Variants in IGF2BP2 observed in about 807,000 individuals in gnomAD.
The protein encoded by IGF2BP2 is insulin like growth factor 2 mRNA binding protein 2.
A neutral mutation model predicts 75.8 loss-of-function variants in IGF2BP2; 17 were observed. That is an observed-to-expected ratio of 0.22 (90% confidence interval 0.15 to 0.34). The LOEUF is 0.34. Ranked by LOEUF, IGF2BP2 falls within the 10% of genes least tolerant of loss-of-function variation. IGF2BP2 has a pLI of 1.00. For missense variants in IGF2BP2, 516 were observed against 772.4 expected (o/e 0.67, Z 3.93); for synonymous variants, 288 against 295.6 (o/e 0.97, Z 0.26).
At chr3:185,718,122 C>T (rs572829070) in intron 2 of IGF2BP2, 1 of 152,348 alleles carries the variant, frequency 6.6e-6, no homozygotes, top group Non-Finnish European at 1.5e-5. Context: ...TGCGCTACAT[C>T]CAGCCTAAAG....
chr3:185,782,501 T>C (rs1009245348), intron 2 of IGF2BP2, among the ~76,000 whole-genome samples: 7 of 152,150 alleles, frequency 4.6e-5, no homozygotes, highest in Non-Finnish European at 5.9e-5. Flanking sequence ...TAATTTACCA[T>C]GTTCAAGAAA....
chr3:185,726,878 T>C (rs1727405944), intron 2 of IGF2BP2, among the ~76,000 whole-genome samples: 1 of 151,366 alleles, frequency 6.6e-6, no homozygotes, highest in Non-Finnish European at 1.5e-5. Flanking sequence ...ACCAAGGGGG[T>C]TGTGGGAAAA....
chr3:185,722,093 T>C (rs578018747), intron 2 of IGF2BP2: 1 of 348,932 alleles, frequency 2.9e-6, no homozygotes, highest in East Asian at 8.6e-5. Context: ...CACATCTGAT[T>C]TTTTTTTTCT....
intron 2 of IGF2BP2, 70 bp from the exon 3 acceptor site, chr3:185,698,417 G>A: frequency 7.2e-7 from 1 of 1,387,412 alleles, no homozygotes; most frequent in Non-Finnish European, 1.0e-6. Context: ...ATAAAAACCG[G>A]CTTAAACCCG....
At chr3:185,759,868 G>T (rs761375834) in intron 2 of IGF2BP2, among the ~76,000 whole-genome samples, 1 of 152,176 alleles carries the variant, frequency 6.6e-6, no homozygotes, top group African/African-American at 2.4e-5. Flanking sequence ...TGAAGATTTT[G>T]AACTTACACA....
At chr3:185,723,489 T>C (rs1726869797) in intron 2 of IGF2BP2, among the ~76,000 whole-genome samples, 3 of 152,328 alleles carry the variant, frequency 2.0e-5, no homozygotes, top group South Asian at 4.1e-4. Flanking sequence ...CCACATCTTC[T>C]GAGTCTCCAG....
At chr3:185,815,017 C>G (rs915652094) in intron 2 of IGF2BP2, among the ~76,000 whole-genome samples, 1 of 151,654 alleles carries the variant, frequency 6.6e-6, no homozygotes, top group Non-Finnish European at 1.5e-5. Flanking sequence ...GTATCCTAAA[C>G]AAAAAAACCT....
At chr3:185,746,595 T>C (rs903711322) in intron 2 of IGF2BP2, among the ~76,000 whole-genome samples, 1 of 152,180 alleles carries the variant, frequency 6.6e-6, no homozygotes, top group South Asian at 2.1e-4. Context: ...CACTAACAGG[T>C]AGGAGACACC....
intron 2 of IGF2BP2, among the ~76,000 whole-genome samples, chr3:185,760,658 T>C (rs1293470445): frequency 6.6e-6 from 1 of 152,186 alleles, no homozygotes; most frequent in African/African-American, 2.4e-5. Context: ...TAAACTTGTT[T>C]GGGGGTCTGT....
intron 2 of IGF2BP2, among the ~76,000 whole-genome samples, chr3:185,790,809 C>T (rs1256848529): frequency 1.3e-5 from 2 of 152,068 alleles, no homozygotes; most frequent in African/African-American, 4.8e-5. Context: ...AGAGTGTTAC[C>T]TTTCAAAAAT....
At chr3:185,798,403 C>T (rs757344498) in intron 2 of IGF2BP2, among the ~76,000 whole-genome samples, 1 of 152,100 alleles carries the variant, frequency 6.6e-6, no homozygotes, top group Non-Finnish European at 1.5e-5. Context: ...CCAAATTCTA[C>T]GAGTACAAAT....
chr3:185,676,993 T>C (rs1034448232), intron 7 of IGF2BP2, among the ~76,000 whole-genome samples: 3 of 135,196 alleles, frequency 2.2e-5, no homozygotes, highest in East Asian at 2.1e-4. Flanking sequence ...TATGGAGATA[T>C]ATATATATGG....
At chr3:185,692,915 C>T (rs1722141632) in intron 4 of IGF2BP2, 153 bp from the exon 5 acceptor site, 1 of 642,142 alleles carries the variant, frequency 1.6e-6, no homozygotes, top group Non-Finnish European at 2.8e-6. Context: ...CATCTGAGTT[C>T]ACAGTAATTT....
chr3:185,744,084 G>A (rs566259629), intron 2 of IGF2BP2, among the ~76,000 whole-genome samples: 5 of 152,276 alleles, frequency 3.3e-5, no homozygotes, highest in African/African-American at 1.2e-4. Context: ...TACTGCTTAT[G>A]TGCACCTGTC....
chr3:185,698,887 G>A (rs924200952), intron 2 of IGF2BP2, among the ~76,000 whole-genome samples: 10 of 143,384 alleles, frequency 7.0e-5, no homozygotes, highest in African/African-American at 1.0e-4. Context: ...TGACCTTGGC[G>A]CACTGCAACC....
intron 2 of IGF2BP2, among the ~76,000 whole-genome samples, chr3:185,747,977 T>TC (rs1553878929): frequency 6.6e-6 from 1 of 152,054 alleles, no homozygotes; most frequent in Non-Finnish European, 1.5e-5. Context: ...TGCCTCAGCC[T>TC]CCCGAGTAGC....
intron 4 of IGF2BP2, chr3:185,693,297 G>C (rs1016444411): frequency 6.6e-6 from 1 of 152,208 alleles, no homozygotes; most frequent in African/African-American, 2.4e-5. Context: ...TTTCAGACTG[G>C]TCTCCTAGAA....
At chr3:185,781,900 T>C (rs1735251482) in intron 2 of IGF2BP2, among the ~76,000 whole-genome samples, 1 of 152,052 alleles carries the variant, frequency 6.6e-6, no homozygotes, top group African/African-American at 2.4e-5. Context: ...CAGGGCTGCA[T>C]TTGTGGGATA....
chr3:185,719,867 G>T (rs28417852), intron 2 of IGF2BP2, among the ~76,000 whole-genome samples: 1 of 151,972 alleles, frequency 6.6e-6, no homozygotes, highest in Non-Finnish European at 1.5e-5. Context: ...GGAAGGAAAG[G>T]AAGGAAGGAA....
Sources: gnomAD v4.1 joint callset for allele counts (sites outside exome capture counted in the v4.1 genomes callset) on GRCh38, gnomAD v4.1.1 for gene constraint, MANE v1.5 for transcripts, NCBI Gene and HGNC (gene_info 2026-07-23, HGNC 2026-07-21) for gene names.